Variants in HSD17B12 observed in about 807,000 individuals in gnomAD.
The protein encoded by HSD17B12 is very-long-chain 3-oxoacyl-CoA reductase.
In HSD17B12, 32 loss-of-function variants were observed where a neutral mutation model predicts 39.3. The ratio of observed to expected loss-of-function variants is 0.81; its 90% CI spans 0.61 to 1.09. The LOEUF is 1.09. Ranked by LOEUF, HSD17B12 falls within the 50% of genes least tolerant of loss-of-function variation. The probability of loss-of-function intolerance (pLI) is 0.00; values close to 1 mark genes in which losing one functional copy is unlikely to be tolerated. For missense variants in HSD17B12, 342 were observed against 382.9 expected, an observed-to-expected ratio of 0.89 and a Z score of 0.89; for synonymous variants, 150 against 146.7, an observed-to-expected ratio of 1.02 and a Z score of -0.16.
At chr11:43,854,885 A>G (rs3736505) in intron 10 of HSD17B12, 21 bp downstream of exon 10, 511,452 of 1,609,096 alleles carry the variant, frequency 0.32, 83,601 homozygotes, top group Admixed American at 0.48. Context: ...TTTTTGAATC[A>G]CAAATCAATA....
chr11:43,742,139 A>T (rs2862994), intron 1 of HSD17B12, among the ~76,000 whole-genome samples: 69,549 of 123,460 alleles, frequency 0.56, 19,870 homozygotes, highest in African/African-American at 0.66. Flanking sequence ...ATATATATAT[A>T]TTTTTTTTTT....
At chr11:43,681,232 G>A in intron 1 of HSD17B12, 1 of 1,147,480 alleles carries the variant, frequency 8.7e-7, no homozygotes, top group East Asian at 3.5e-5. Context: ...GCTCAGCTTA[G>A]GGTGTAGGAG....
chr11:43,696,104 T>C (rs2134795130), intron 1 of HSD17B12, among the ~76,000 whole-genome samples: 1 of 152,286 alleles, frequency 6.6e-6, no homozygotes, highest in East Asian at 1.9e-4. Flanking sequence ...TGGTATTTGG[T>C]TTTCTGTTCC....
chr11:43,619,243 A>AAATATATATATATATTTTATATATATAT, the HSD17B12 span, among the ~76,000 whole-genome samples: 273 of 11,658 alleles, frequency 0.023, 6 homozygotes, highest in African/African-American at 0.037. Flanking sequence ...ATATATATAT[A>AAATATATATATATATTTTATATATATAT]AAATATATAT....
At chr11:43,792,576 G>A in intron 3 of HSD17B12, among the ~76,000 whole-genome samples, 1 of 151,580 alleles carries the variant, frequency 6.6e-6, no homozygotes, top group Non-Finnish European at 1.5e-5. Context: ...GAGATGGGAT[G>A]GTTTCTAAGG....
intron 3 of HSD17B12, among the ~76,000 whole-genome samples, chr11:43,767,519 TTTC>T (rs1950606299): frequency 6.6e-6 from 1 of 152,228 alleles, no homozygotes; most frequent in Non-Finnish European, 1.5e-5. Context: ...AGTTAAATAT[TTTC>T]TTGTCAATTA....
At chr11:43,785,150 A>G (rs1318353172) in intron 3 of HSD17B12, among the ~76,000 whole-genome samples, 1 of 152,146 alleles carries the variant, frequency 6.6e-6, no homozygotes, top group Non-Finnish European at 1.5e-5. Context: ...TATATGCTTA[A>G]AGAATGACTT....
intron 3 of HSD17B12, among the ~76,000 whole-genome samples, chr11:43,762,643 A>G (rs1950564236): frequency 6.6e-6 from 1 of 152,212 alleles, no homozygotes; most frequent in Non-Finnish European, 1.5e-5. Context: ...TATAATATGG[A>G]ACTAATTAAT....
At chr11:43,740,268 G>A (rs940619796) in intron 1 of HSD17B12, among the ~76,000 whole-genome samples, 1 of 152,174 alleles carries the variant, frequency 6.6e-6, no homozygotes, top group African/African-American at 2.4e-5. Flanking sequence ...GGATGATAGC[G>A]TAGATTGGGG....
At chr11:43,656,026 A>G in the HSD17B12 span, among the ~76,000 whole-genome samples, 4 of 152,166 alleles carry the variant, frequency 2.6e-5, no homozygotes, top group African/African-American at 9.7e-5. Context: ...CGGTGAATCC[A>G]TCTGGTCCTG....
chr11:43,773,917 A>G (rs769643208), intron 3 of HSD17B12, among the ~76,000 whole-genome samples: 6 of 152,164 alleles, frequency 3.9e-5, no homozygotes, highest in Non-Finnish European at 7.4e-5. Flanking sequence ...TTAACATTAA[A>G]TGTCTTTGGA....
At chr11:43,608,928 C>A in the HSD17B12 span, among the ~76,000 whole-genome samples, 2 of 151,982 alleles carry the variant, frequency 1.3e-5, no homozygotes, top group African/African-American at 4.8e-5. Flanking sequence ...ATATGCACAA[C>A]CCCCCAACCT....
At chr11:43,678,893 G>C (rs1949715901), upstream of HSD17B12, among the ~76,000 whole-genome samples, 2 of 152,224 alleles carry the variant, frequency 1.3e-5, no homozygotes, top group South Asian at 4.1e-4. Context: ...TGTTCTTTTG[G>C]CTTAGGATTG....
chr11:43,781,375 C>T (rs974535337), intron 3 of HSD17B12, among the ~76,000 whole-genome samples: 8 of 151,980 alleles, frequency 5.3e-5, no homozygotes, highest in Non-Finnish European at 8.8e-5. Flanking sequence ...GAAAAAAAAG[C>T]AAGTTGCAGA....
chr11:43,757,942 G>A (rs1390380814), intron 3 of HSD17B12, among the ~76,000 whole-genome samples: 1 of 152,102 alleles, frequency 6.6e-6, no homozygotes, highest in Non-Finnish European at 1.5e-5. Context: ...GGCCCATTTG[G>A]GGGTATAATG....
intron 6 of HSD17B12, among the ~76,000 whole-genome samples, chr11:43,825,162 C>T (rs111572580): frequency 3.3e-5 from 5 of 151,754 alleles, no homozygotes; most frequent in African/African-American, 1.2e-4. Context: ...TGGAGGGACA[C>T]AAACATTTAG....
intron 1 of HSD17B12, among the ~76,000 whole-genome samples, chr11:43,697,470 A>G (rs186656746): frequency 3.0e-3 from 455 of 152,360 alleles, no homozygotes; most frequent in Non-Finnish European, 4.8e-3. Context: ...TAATCTGCAC[A>G]TAATGTAATA....
At chr11:43,592,526 G>A in the HSD17B12 span, among the ~76,000 whole-genome samples, 18,184 of 151,960 alleles carry the variant, frequency 0.12, 1,395 homozygotes, top group Middle Eastern at 0.25. Flanking sequence ...CTCATACCTT[G>A]CATTGTGACC....
the HSD17B12 span, among the ~76,000 whole-genome samples, chr11:43,607,785 T>G: frequency 6.6e-6 from 1 of 152,258 alleles, no homozygotes; most frequent in Non-Finnish European, 1.5e-5. Context: ...TCAATTTTCT[T>G]GGCTCACTGC....
Sources: gnomAD v4.1 joint callset for allele counts (sites outside exome capture counted in the v4.1 genomes callset) on GRCh38, gnomAD v4.1.1 for gene constraint, MANE v1.5 for transcripts, NCBI Gene and HGNC (gene_info 2026-07-23, HGNC 2026-07-21) for gene names.